Variants in VMA12 observed in about 807,000 individuals in gnomAD.
The protein encoded by VMA12 is vacuolar ATPase assembly protein VMA12.
the VMA12 span, chr17:28,360,618 G>C: frequency 1.7e-5 from 27 of 1,610,096 alleles, no homozygotes; most frequent in South Asian, 2.9e-4. Context: ...CCTGAGATGG[G>C]TCATGACACT....
chr17:28,357,662 CG>C, the VMA12 span: 6 of 1,611,182 alleles, frequency 3.7e-6, no homozygotes, highest in Non-Finnish European at 5.1e-6. Flanking sequence ...ACCGGAGAGC[CG>C]GCTAGATATG....
the VMA12 span, chr17:28,357,991 T>C: frequency 1.5e-3 from 1,720 of 1,167,562 alleles, 25 homozygotes; most frequent in African/African-American, 0.024. Context: ...TCTAGACAAG[T>C]CAAGAGTCAC....
At chr17:28,357,811 C>T in the VMA12 span, 7 of 1,614,098 alleles carry the variant, frequency 4.3e-6, no homozygotes, top group East Asian at 2.2e-5. Flanking sequence ...GCGGTGATAG[C>T]TCCAGTGGCC....
the VMA12 span, chr17:28,360,948 G>A: frequency 9.4e-7 from 1 of 1,060,694 alleles, no homozygotes; most frequent in Non-Finnish European, 1.4e-6. Flanking sequence ...GTATTGAACA[G>A]ATATTTATGC....
chr17:28,358,902 CCTTTT>C, the VMA12 span: 6 of 1,603,954 alleles, frequency 3.7e-6, no homozygotes, highest in Non-Finnish European at 5.1e-6. Flanking sequence ...GTTTGTGAAA[CCTTTT>C]CTTCTCAGAT....
At chr17:28,358,197 C>T in the VMA12 span, 3 of 420,530 alleles carry the variant, frequency 7.1e-6, no homozygotes, top group Admixed American at 1.1e-4. Flanking sequence ...TCTTTTTCTC[C>T]ACTTTAGGAA....
At chr17:28,359,026 C>A in the VMA12 span, 7 of 1,530,628 alleles carry the variant, frequency 4.6e-6, no homozygotes, top group Admixed American at 1.2e-4. Flanking sequence ...TGGTTATTGA[C>A]TGAGTTGGGC....
the VMA12 span, chr17:28,361,006 G>C: frequency 4.4e-6 from 4 of 901,814 alleles, no homozygotes; most frequent in East Asian, 1.0e-4. Flanking sequence ...CGGGAGGTTA[G>C]GTAATAACCC....
At chr17:28,359,049 C>G in the VMA12 span, 1 of 1,426,884 alleles carries the variant, frequency 7.0e-7, no homozygotes, top group Non-Finnish European at 9.6e-7. Context: ...ATCCATGATA[C>G]ACTGAACTTA....
At chr17:28,358,104 C>A in the VMA12 span, 1 of 573,590 alleles carries the variant, frequency 1.7e-6, no homozygotes, top group Non-Finnish European at 3.1e-6. Context: ...GCCCCCTCTT[C>A]ACTTCCAGGC....
the VMA12 span, chr17:28,359,344 G>A: frequency 6.2e-7 from 1 of 1,614,082 alleles, no homozygotes; most frequent in Non-Finnish European, 8.5e-7. Flanking sequence ...GGCTGGAGAA[G>A]ATTAAGATAC....
At chr17:28,358,370 C>T in the VMA12 span, 1 of 472,256 alleles carries the variant, frequency 2.1e-6, no homozygotes, top group South Asian at 1.5e-5. Flanking sequence ...AGTTCCAGTC[C>T]TAGCTCTGTC....
chr17:28,359,859 C>T, the VMA12 span, among the ~76,000 whole-genome samples: 1 of 151,992 alleles, frequency 6.6e-6, no homozygotes, highest in South Asian at 2.1e-4. Context: ...TGCTGTGAGC[C>T]AACACTGCAC....
At chr17:28,360,697 G>A in the VMA12 span, 3 of 1,607,748 alleles carry the variant, frequency 1.9e-6, no homozygotes, top group Non-Finnish European at 2.6e-6. Flanking sequence ...CCTAGAGAAT[G>A]TTGAACTAAA....
chr17:28,362,563 C>T, the VMA12 span: 2 of 152,164 alleles, frequency 1.3e-5, no homozygotes, highest in African/African-American at 4.8e-5. Context: ...CTTTGGGAGA[C>T]CAAGGTGGGA....
chr17:28,358,315 A>G, the VMA12 span: 1 of 434,952 alleles, frequency 2.3e-6, no homozygotes, highest in South Asian at 1.6e-5. Context: ...TTAATATAGG[A>G]TGGCAAAAGC....
At chr17:28,358,930 C>T in the VMA12 span, 2 of 1,610,718 alleles carry the variant, frequency 1.2e-6, no homozygotes, top group Non-Finnish European at 1.7e-6. Context: ...CAAACTATAC[C>T]TCCATGAGCT....
chr17:28,358,485 A>G, the VMA12 span: 2 of 472,902 alleles, frequency 4.2e-6, no homozygotes, highest in Non-Finnish European at 8.8e-6. Flanking sequence ...TGCCAGAAGT[A>G]ACATAGACCA....
the VMA12 span, chr17:28,361,450 T>C: frequency 1.7e-6 from 1 of 579,686 alleles, no homozygotes. Flanking sequence ...GAGATTGAGA[T>C]AACACATCTT....
Sources: allele counts gnomAD v4.1 joint callset (sites outside exome capture counted in the v4.1 genomes callset), GRCh38; gene constraint gnomAD v4.1.1; transcripts MANE v1.5; gene names NCBI Gene and HGNC (gene_info 2026-07-23, HGNC 2026-07-21).